Variants in HIP1 observed in about 807,000 individuals in gnomAD.
The protein encoded by HIP1 is huntingtin interacting protein 1, also known as huntingtin-interacting protein 1.
A neutral mutation model predicts 147.6 loss-of-function variants in HIP1; 65 were observed. The ratio of observed to expected loss-of-function variants is 0.44; its 90% CI spans 0.36 to 0.54. HIP1 has a LOEUF of 0.54. Ranked by LOEUF, HIP1 falls within the 20% of genes least tolerant of loss-of-function variation. The probability of loss-of-function intolerance (pLI) is 0.00; values close to 1 mark genes in which losing one functional copy is unlikely to be tolerated. For synonymous variants in HIP1, 479 were observed against 504.0 expected (o/e 0.95, Z 0.67); for missense variants, 1,061 against 1,299.6 (o/e 0.82, Z 2.82).
chr7:75,635,141 C>T (rs1356933532), intron 1 of HIP1, among the ~76,000 whole-genome samples: 11 of 152,206 alleles, frequency 7.2e-5, no homozygotes, highest in African/African-American at 2.2e-4. Context: ...TAAAAGGTAT[C>T]TGCACTTTAT....
rs113462630 is a variant in HIP1 at position 75,558,155 on chromosome 7, T to C, written c.1464+12A>G. ...GGGCCTGCAGGATGGTGACAGGGGC[T>C]GAGGGTCTTACCTTCCGCAGCAGGT... On this transcript the variant is annotated intron_variant, in intron 15 of 30. Coordinates refer to ENST00000336926, the MANE Select transcript of HIP1 (RefSeq NM_005338.7). 3.0e-5 allele frequency: 48 copies of C among 1,610,384 alleles called. No individual in the cohort carries two copies. In the African/African-American group the frequency reaches 5.2e-4, roughly 17 times the overall value.
chr7:75,603,270 C>T (rs1554503314), intron 1 of HIP1, among the ~76,000 whole-genome samples: 2 of 150,954 alleles, frequency 1.3e-5, no homozygotes. Context: ...ATTGCTTAAG[C>T]CCAGGAGGTT....
At chr7:75,680,218 G>C (rs576715500) in intron 1 of HIP1, among the ~76,000 whole-genome samples, 1 of 151,998 alleles carries the variant, frequency 6.6e-6, no homozygotes, top group Non-Finnish European at 1.5e-5. Flanking sequence ...AATTTTTTAC[G>C]TTTTTAGTAG....
intron 1 of HIP1, among the ~76,000 whole-genome samples, chr7:75,698,706 G>C (rs1375392713): frequency 2.0e-5 from 3 of 151,796 alleles, no homozygotes; most frequent in African/African-American, 7.3e-5. Flanking sequence ...TGTAATCCCA[G>C]CTATTCAGTA....
rs4731598 is a variant in HIP1 at position 75,680,049 on chromosome 7, C to G, written c.120+58752G>C. Among the ~76,000 whole-genome samples the G allele has an allele frequency of 3.5e-3, 525 of 151,778 alleles. 1 individual carries two copies. Among genetic ancestry groups the G allele is most frequent in the South Asian group, 7.3e-3 (35 of 4,824 alleles). On this transcript the variant is annotated intron_variant, in intron 1 of 30. Transcript: ENST00000336926. The stretch of plus-strand genomic sequence containing the variant: ...GCTTTTATTGATTGATTGATTCATT[C>G]ATTCATTCATTGAGACAGAGTCTCA...
At chr7:75,633,417 C>T (rs587615159) in intron 1 of HIP1, among the ~76,000 whole-genome samples, 1 of 152,170 alleles carries the variant, frequency 6.6e-6, no homozygotes, top group African/African-American at 2.4e-5. Context: ...CTCAGCCTCC[C>T]GAGCAGCTGG....
intron 1 of HIP1, among the ~76,000 whole-genome samples, chr7:75,735,491 A>G (rs1554523541): frequency 6.6e-6 from 1 of 152,166 alleles, no homozygotes; most frequent in African/African-American, 2.4e-5. Context: ...GCTGATTCTC[A>G]TGGTCTCCTA....
At chr7:75,548,465 CTT>C (rs1294756749) in intron 23 of HIP1, among the ~76,000 whole-genome samples, 1 of 145,770 alleles carries the variant, frequency 6.9e-6, no homozygotes, top group African/African-American at 2.5e-5. Context: ...TTTGGTCTCT[CTT>C]TTTTTTTTTT....
chr7:75,649,815 A>G (rs1405777414), intron 1 of HIP1, among the ~76,000 whole-genome samples: 1 of 152,094 alleles, frequency 6.6e-6, no homozygotes, highest in Non-Finnish European at 1.5e-5. Context: ...GGAATTTCCA[A>G]GCTCCCACCT....
intron 7 of HIP1, among the ~76,000 whole-genome samples, chr7:75,574,926 G>A (rs1333697599): frequency 2.6e-5 from 4 of 152,144 alleles, no homozygotes; most frequent in African/African-American, 7.2e-5. Context: ...TTGTGAGGCC[G>A]AGGTGGGGGG....
At chr7:75,658,934 G>A (rs992533448) in intron 1 of HIP1, among the ~76,000 whole-genome samples, 3 of 151,886 alleles carry the variant, frequency 2.0e-5, no homozygotes, top group Non-Finnish European at 4.4e-5. Flanking sequence ...AACAAACAAA[G>A]AAAAAACAGG....
Position 75,533,576 on chromosome 7 carries a change from T to G in HIP1, c.*4596A>C. ...GAGTCTGTTATAAGTTTGAGACAACTGCATTATCACCAAGATGTAACCGAA... is the reference window on the plus strand; with the variant it reads ...GAGTCTGTTATAAGTTTGAGACAACGGCATTATCACCAAGATGTAACCGAA... On this transcript the variant is annotated 3_prime_UTR_variant, in exon 31 of 31. Transcript: ENST00000336926. 1 of 232,346 alleles carries G rather than the reference T, an allele frequency of 4.3e-6. No individual in the cohort carries two copies. Among genetic ancestry groups the G allele is most frequent in the Non-Finnish European group, 8.5e-6 (1 of 117,502 alleles). The allele number at this position is 232,346 out of a possible 1,614,324, so 14.4% of individuals were successfully genotyped here.
chr7:75,704,572 G>C lies in HIP1; in HGVS notation c.120+34229C>G, dbSNP rs780802501. ...ATAACAGCTTAATCAACTGTTTCTTGTTGTTGTTGTTGTTTGTTTGTTTGA... is the reference window on the plus strand; with the variant it reads ...ATAACAGCTTAATCAACTGTTTCTTCTTGTTGTTGTTGTTTGTTTGTTTGA... On this transcript the variant is annotated intron_variant, in intron 1 of 30. Coordinates refer to ENST00000336926, the MANE Select transcript of HIP1 (RefSeq NM_005338.7). Among the ~76,000 whole-genome samples the C allele has an allele frequency of 4.4e-4, 65 of 147,368 alleles. 1 individual carries two copies. Among genetic ancestry groups the C allele is most frequent in the Non-Finnish European group, 7.6e-4 (51 of 66,866 alleles).
intron 1 of HIP1, among the ~76,000 whole-genome samples, chr7:75,637,123 G>A (rs1798450746): frequency 6.6e-6 from 1 of 152,224 alleles, no homozygotes; most frequent in African/African-American, 2.4e-5. Flanking sequence ...TAACTGTTGA[G>A]TCGGCCTGTA....
At chr7:75,547,060 C>T (rs369841481) in intron 24 of HIP1, 28 bp from the exon 25 acceptor site, 3 of 1,523,544 alleles carry the variant, frequency 2.0e-6, no homozygotes, top group African/African-American at 2.7e-5. Flanking sequence ...CGAGGATACA[C>T]TGAGATCAAG....
At chr7:75,596,595 A>G (rs1373045417) in intron 2 of HIP1, among the ~76,000 whole-genome samples, 1 of 152,184 alleles carries the variant, frequency 6.6e-6, no homozygotes, top group African/African-American at 2.4e-5. Context: ...CATGTTGGCC[A>G]GGCTGGTCTC....
intron 1 of HIP1, among the ~76,000 whole-genome samples, chr7:75,687,370 T>C (rs1261372734): frequency 5.3e-5 from 8 of 152,146 alleles, no homozygotes; most frequent in African/African-American, 1.9e-4. Context: ...CACCTCTTCT[T>C]TATCCTGCTG....
intron 4 of HIP1, among the ~76,000 whole-genome samples, chr7:75,591,298 G>A (rs1398701037): frequency 6.6e-6 from 1 of 152,070 alleles, no homozygotes; most frequent in Non-Finnish European, 1.5e-5. Flanking sequence ...CTCCTAAAGT[G>A]CTAGGATTAC....
Position 75,539,326 on chromosome 7 carries a change from C to A in HIP1, c.3058G>T (p.Glu1020Ter). ...ELAGVAEGWEEGTEASPPTLQ... is the reference protein window; with the variant it reads ...ELAGVAEGWE ...CCCATCCTTGGAGTCAGCTTACCTT[C>A]TTCCCAGCCCTCAGCAACACCAGCA... is the stretch of plus-strand genomic sequence containing the variant. Residue 1020 changes from glutamate to a stop codon, truncating the protein, a stop_gained, in exon 30 of 31, where the codon GAA (glutamate) becomes TAA (stop). Coordinates refer to ENST00000336926, the MANE Select transcript of HIP1 (RefSeq NM_005338.7). LOFTEE classifies it high-confidence loss of function. The A allele has an allele frequency of 6.2e-7, 1 of 1,613,194 alleles. No individual in the cohort carries two copies.
Sources: allele counts gnomAD v4.1 joint callset (sites outside exome capture counted in the v4.1 genomes callset), GRCh38; gene constraint gnomAD v4.1.1; transcripts MANE v1.5; gene names NCBI Gene and HGNC (gene_info 2026-07-23, HGNC 2026-07-21).